CASZ1: variants seen among roughly 807,000 people sequenced by gnomAD.
CASZ1 encodes zinc finger protein castor homolog 1.
In CASZ1, 28 loss-of-function variants were observed where a neutral mutation model predicts 135.2. The ratio of observed to expected loss-of-function variants is 0.21; its 90% CI spans 0.15 to 0.28. CASZ1 has a LOEUF of 0.28. Ranked by LOEUF, CASZ1 falls within the 10% of genes least tolerant of loss-of-function variation. The probability of loss-of-function intolerance (pLI) is 1.00; values close to 1 mark genes in which losing one functional copy is unlikely to be tolerated. For synonymous variants in CASZ1, 1,068 were observed against 1,073.4 expected, an observed-to-expected ratio of 0.99 and a Z score of 0.10; for missense variants, 2,161 against 2,453.3, an observed-to-expected ratio of 0.88 and a Z score of 2.52.
intron 2 of CASZ1, among the ~76,000 whole-genome samples, chr1:10,723,960 C>T (rs1318677150): frequency 2.6e-5 from 4 of 152,176 alleles, no homozygotes; most frequent in African/African-American, 4.8e-5. Context: ...CCAAACCATG[C>T]CAGCAGGGGT....
In CASZ1 at chr1:10,655,706, G is replaced by A. The variant is rs768005008; in HGVS notation, c.1608C>T (p.Ser536=). 13 of 1,614,142 alleles carry A rather than the reference G, an allele frequency of 8.1e-6. No homozygotes were observed. The highest frequency in any genetic ancestry group is 2.2e-5 in the South Asian group (2 of 91,086). ...FMRFSPLDDC[S]VYYHGCHLNG... is the part of the protein sequence containing the mutation. ...TGAGGTGGCAGCCGTGGTAGTAGAC[G>A]CTGCAGTCGTCCAGCGGGCTGAAAC... The change falls in exon 9 of 21, where the codon AGC becomes AGT. Residue 536 remains serine (S), a synonymous_variant. Coordinates refer to ENST00000377022, the MANE Select transcript of CASZ1 (RefSeq NM_001079843.3).
In CASZ1 at chr1:10,656,759, C is replaced by T. The variant is rs777692112; in HGVS notation, c.1410-23G>A. ...AACCTGGAGGGAGGAGGGGTGGGGT[C>T]AGGGCCCTGCTGTGGGTGACAGTCC... On this transcript the variant is annotated intron_variant, in intron 7 of 20. Coordinates refer to ENST00000377022, the MANE Select transcript of CASZ1 (RefSeq NM_001079843.3). 41 of 1,508,402 alleles carry T rather than the reference C, an allele frequency of 2.7e-5. No individual in the cohort carries two copies. The East Asian group carries it at 9.4e-4, about 35-fold the overall frequency. The allele number at this position is 1,508,402 out of a possible 1,614,324, so 93.4% of individuals were successfully genotyped here.
chr1:10,736,404 G>A (rs771885131), intron 2 of CASZ1, among the ~76,000 whole-genome samples: 25 of 152,168 alleles, frequency 1.6e-4, no homozygotes, highest in Admixed American at 4.6e-4. Context: ...CCCCGAACCC[G>A]GGGAGTCCTC....
At chr1:10,742,003 G>T (rs183949992) in intron 2 of CASZ1, among the ~76,000 whole-genome samples, 1 of 151,882 alleles carries the variant, frequency 6.6e-6, no homozygotes, top group Non-Finnish European at 1.5e-5. Flanking sequence ...GCCCCCAGCC[G>T]CAACCCCACC....
chr1:10,761,846 G>A (rs923937669), intron 1 of CASZ1, among the ~76,000 whole-genome samples: 1 of 152,204 alleles, frequency 6.6e-6, no homozygotes, highest in Non-Finnish European at 1.5e-5. Context: ...AACCCAGAGG[G>A]GGTGCTCGGT....
chr1:10,653,049 G>A, intron 11 of CASZ1: 1 of 390,862 alleles, frequency 2.6e-6, no homozygotes, highest in Non-Finnish European at 4.9e-6. Flanking sequence ...GGGTGGACTT[G>A]GGATGTGGGA....
intron 3 of CASZ1, among the ~76,000 whole-genome samples, chr1:10,696,907 G>A (rs1638945543): frequency 6.6e-6 from 1 of 152,222 alleles, no homozygotes; most frequent in Non-Finnish European, 1.5e-5. Flanking sequence ...TGGCCACCCA[G>A]TAACTCGGGG....
At chr1:10,790,377 T>C (rs1640935073) in intron 1 of CASZ1, among the ~76,000 whole-genome samples, 2 of 152,158 alleles carry the variant, frequency 1.3e-5, no homozygotes, top group Admixed American at 6.5e-5. Flanking sequence ...AAAATGTCTA[T>C]AAATTAAATC....
chr1:10,730,001 G>C (rs980715767), intron 2 of CASZ1, among the ~76,000 whole-genome samples: 1 of 152,150 alleles, frequency 6.6e-6, no homozygotes, highest in Non-Finnish European at 1.5e-5. Context: ...TTTTAGTAGA[G>C]ATGGGGTTTC....
At chr1:10,722,008 G>GC (rs1036114095) in intron 2 of CASZ1, among the ~76,000 whole-genome samples, 56 of 152,378 alleles carry the variant, frequency 3.7e-4, no homozygotes, top group African/African-American at 1.3e-3. Context: ...CTGAGGCACA[G>GC]CAGAGCATCT....
intron 1 of CASZ1, among the ~76,000 whole-genome samples, chr1:10,792,077 T>A (rs1640965406): frequency 6.6e-6 from 1 of 150,888 alleles, no homozygotes. Context: ...TCCTCTCGCC[T>A]CTGAGCTGAG....
At position 10,717,118 on chromosome 1, in the gene CASZ1, G is replaced by C. The variant is rs1462128158; in HGVS notation, c.-76-11574C>G. 2.0e-5 allele frequency among the ~76,000 whole-genome samples: 3 copies of C among 152,170 alleles called. No individual in the cohort carries two copies. Among genetic ancestry groups the C allele is most frequent in the Non-Finnish European group, 4.4e-5 (3 of 68,024 alleles). The stretch of plus-strand genomic sequence containing the variant: ...GGACAGACGGCCAGCGAGGACACTG[G>C]GGAGGGCGTGTCTCCTTAATAAGCC... On this transcript the variant is annotated intron_variant, in intron 2 of 20. Transcript: ENST00000377022. This position sits in a 1 kb window ranked among gnomAD's most constrained non-coding sequence, Gnocchi z 4.6.
intron 2 of CASZ1, among the ~76,000 whole-genome samples, chr1:10,708,744 T>C (rs180954244): frequency 3.6e-4 from 54 of 152,052 alleles, no homozygotes; most frequent in Admixed American, 3.4e-3. Context: ...CAATTAAAAC[T>C]AATCATTAAT....
intron 4 of CASZ1, among the ~76,000 whole-genome samples, chr1:10,670,836 C>A (rs114210982): frequency 6.6e-6 from 1 of 152,310 alleles, no homozygotes; most frequent in African/African-American, 2.4e-5. Context: ...TGTGACCCCT[C>A]CCCCACCAGC....
In CASZ1 at chr1:10,757,928, A is replaced by C. The variant is rs1640290206; in HGVS notation, c.-77+2773T>G. Among the ~76,000 whole-genome samples the C allele has an allele frequency of 6.6e-6, 1 of 152,074 alleles. No homozygotes were observed. On this transcript the variant is annotated intron_variant, in intron 2 of 20. Transcript: ENST00000377022. This position sits in a 1 kb window ranked among gnomAD's most constrained non-coding sequence, Gnocchi z 4.6. ...CCCTGCACCTCCTGACACCCACCTC[A>C]TCCACGTCCCCATCCACGTCCTGGC...
chr1:10,691,693 C>T (rs558833725), intron 4 of CASZ1, among the ~76,000 whole-genome samples: 1 of 152,238 alleles, frequency 6.6e-6, no homozygotes, highest in Non-Finnish European at 1.5e-5. Context: ...GGAGCTGTTC[C>T]CAGCTCCTGA....
rs1557525860 is a variant in CASZ1, at chr1:10,712,592, C to G, written c.-76-7048G>C. Reference sequence around the variant, plus strand: ...GACTTCAAATGGGCCCTCTTTCCCCCTCTGCTTGAGAATCCACCATCCGAG... The same window carrying G: ...GACTTCAAATGGGCCCTCTTTCCCCGTCTGCTTGAGAATCCACCATCCGAG... On this transcript the variant is annotated intron_variant, in intron 2 of 20. Transcript: ENST00000377022. Among the ~76,000 whole-genome samples the G allele has an allele frequency of 2.0e-5, 3 of 152,228 alleles. No individual in the cohort carries two copies. In the South Asian group the frequency reaches 6.2e-4, roughly 32 times the overall value.
intron 1 of CASZ1, among the ~76,000 whole-genome samples, chr1:10,766,204 G>GCACA (rs143572570): frequency 0.024 from 3,558 of 148,594 alleles, 50 homozygotes; most frequent in Non-Finnish European, 0.037. Context: ...TTCAGCACGT[G>GCACA]CACACACACA....
intron 20 of CASZ1, among the ~76,000 whole-genome samples, 160 bp downstream of exon 20, chr1:10,642,699 C>T (rs919207453): frequency 6.6e-6 from 1 of 152,224 alleles, no homozygotes; most frequent in Non-Finnish European, 1.5e-5. Context: ...CGGGAGGGGC[C>T]TCGATGACCC....
Sources: gnomAD v4.1 joint callset for allele counts (sites outside exome capture counted in the v4.1 genomes callset) on GRCh38, gnomAD v4.1.1 for gene constraint, Gnocchi (gnomAD v3.1) non-coding constraint, MANE v1.5 for transcripts, NCBI Gene and HGNC (gene_info 2026-07-23, HGNC 2026-07-21) for gene names.